DMGDH: variants seen among roughly 807,000 people sequenced by gnomAD.
The protein encoded by DMGDH is dimethylglycine dehydrogenase, also known as dimethylglycine dehydrogenase, mitochondrial.
DMGDH carries 76 observed loss-of-function variants against 95.2 expected under a neutral mutation model. The ratio of observed to expected loss-of-function variants is 0.80; its 90% confidence interval spans 0.66 to 0.97. DMGDH has a LOEUF of 0.97. Ranked by LOEUF, DMGDH falls within the 50% of genes least tolerant of loss-of-function variation. DMGDH has a pLI of 0.00. For synonymous variants in DMGDH, 345 were observed against 377.6 expected, an observed-to-expected ratio of 0.91 and a Z score of 1.00; for missense variants, 987 against 1,055.0, an observed-to-expected ratio of 0.94 and a Z score of 0.89.
chr5:79,044,169 C>T, intron 6 of DMGDH, 135 bp downstream of exon 6: 1 of 1,281,072 alleles, frequency 7.8e-7, no homozygotes, highest in Non-Finnish European at 1.1e-6. Flanking sequence ...TCACCTCAAA[C>T]CTGTCACCTC....
chr5:79,032,460 AAGGCTGGCTAT>A (rs1754206585), intron 9 of DMGDH, among the ~76,000 whole-genome samples: 2 of 152,196 alleles, frequency 1.3e-5, no homozygotes, highest in Non-Finnish European at 2.9e-5. Flanking sequence ...AGGCTTCACC[AAGGCTGGCTAT>A]AGGACTCTCA....
intron 14 of DMGDH, among the ~76,000 whole-genome samples, chr5:79,019,023 G>A (rs569621117): frequency 6.6e-6 from 1 of 152,060 alleles, no homozygotes; most frequent in Non-Finnish European, 1.5e-5. Context: ...AACAGAATAA[G>A]GATAGCTTAA....
intron 2 of DMGDH, among the ~76,000 whole-genome samples, chr5:79,062,911 G>A (rs1313959698): frequency 6.6e-6 from 1 of 152,092 alleles, no homozygotes; most frequent in African/African-American, 2.4e-5. Flanking sequence ...GACCAACACG[G>A]TGAAACCCCG....
intron 14 of DMGDH, among the ~76,000 whole-genome samples, chr5:79,013,665 T>C (rs747621087): frequency 2.0e-5 from 3 of 152,184 alleles, no homozygotes; most frequent in African/African-American, 4.8e-5. Flanking sequence ...CTGTAGACTA[T>C]ACAGGAAGCA....
intron 15 of DMGDH, among the ~76,000 whole-genome samples, chr5:79,004,100 A>G (rs1313621480): frequency 1.3e-5 from 2 of 152,204 alleles, no homozygotes; most frequent in African/African-American, 4.8e-5. Context: ...CCTGGGTTGG[A>G]GATCAGTTCT....
At chr5:79,037,490 G>A (rs559227873) in intron 7 of DMGDH, among the ~76,000 whole-genome samples, 1 of 152,098 alleles carries the variant, frequency 6.6e-6, no homozygotes, top group South Asian at 2.1e-4. Flanking sequence ...TTTAGGTAAC[G>A]GGAAGGCTTT....
intron 14 of DMGDH, among the ~76,000 whole-genome samples, chr5:79,017,648 C>T (rs1437219741): frequency 3.3e-5 from 5 of 152,186 alleles, no homozygotes; most frequent in African/African-American, 1.2e-4. Context: ...CATTTCACTC[C>T]TAGGTATTTA....
chr5:79,061,234 C>T (rs867254778), intron 2 of DMGDH, among the ~76,000 whole-genome samples: 11,493 of 136,392 alleles, frequency 0.084, 596 homozygotes, highest in Middle Eastern at 0.12. Context: ...CACACACACA[C>T]ACACACACAC....
chr5:79,031,012 T>C lies in DMGDH; in HGVS notation c.1518-14A>G, dbSNP rs900502314. ...CGAAAACTTGGCCTGAAACACAACA[T>C]TTAGTGTCATAAAACAACTCCCGTT... is the stretch of plus-strand genomic sequence containing the variant. On this transcript the variant is annotated splice_polypyrimidine_tract_variant and intron_variant, in intron 9 of 15. Coordinates refer to ENST00000255189, the MANE Select transcript of DMGDH (RefSeq NM_013391.3). 11 of 1,613,978 alleles carry C rather than the reference T, an allele frequency of 6.8e-6. No homozygotes were observed. Among genetic ancestry groups the C allele is most frequent in the Non-Finnish European group, 8.5e-6 (10 of 1,179,986 alleles).
In DMGDH at chr5:79,069,635, C is replaced by T; in HGVS notation, c.-15G>A. 7.4e-7 allele frequency: 1 copy of T among 1,355,156 alleles called. No individual in the cohort carries two copies. Among genetic ancestry groups the T allele is most frequent in the Non-Finnish European group, 9.5e-7 (1 of 1,054,302 alleles). 83.9% of individuals were successfully genotyped at this position (1,355,156 alleles called of 1,614,324 possible). On this transcript the variant is annotated 5_prime_UTR_variant, in exon 1 of 16. Transcript: ENST00000255189. ...GGACGGAGCATGACTAGGCCGAGGC[C>T]GAGGGCGCAGGCGCCTGCTCCGAGG...
intron 14 of DMGDH, among the ~76,000 whole-genome samples, chr5:79,009,418 T>C (rs1378001820): frequency 1.3e-5 from 2 of 149,216 alleles, no homozygotes; most frequent in Admixed American, 1.3e-4. Context: ...TGGAGTGCAG[T>C]GGTCACAATC....
intron 13 of DMGDH, 66 bp downstream of exon 13, chr5:79,026,358 C>T: frequency 6.2e-7 from 1 of 1,601,980 alleles, no homozygotes; most frequent in Non-Finnish European, 8.5e-7. Flanking sequence ...GCAGTTCAAA[C>T]CAGCCCTTAT....
At chr5:79,001,112 C>G (rs1476926724) in intron 15 of DMGDH, 1 of 604,964 alleles carries the variant, frequency 1.7e-6, no homozygotes, top group African/African-American at 1.9e-5. Context: ...CTGCGTCCCC[C>G]TCAGCCATGT....
chr5:79,006,891 C>A (rs893777990), intron 14 of DMGDH, among the ~76,000 whole-genome samples: 1 of 150,060 alleles, frequency 6.7e-6, no homozygotes, highest in African/African-American at 2.4e-5. Flanking sequence ...CTAGGATGAA[C>A]CTACAATGAA....
chr5:79,059,753 T>C (rs1375702107), intron 2 of DMGDH, among the ~76,000 whole-genome samples: 1 of 152,208 alleles, frequency 6.6e-6, no homozygotes, highest in Non-Finnish European at 1.5e-5. Flanking sequence ...ACTGAAAGCA[T>C]CACTTTTTCT....
intron 14 of DMGDH, among the ~76,000 whole-genome samples, chr5:79,016,524 TA>T (rs934326261): frequency 6.6e-6 from 1 of 152,164 alleles, no homozygotes; most frequent in Non-Finnish European, 1.5e-5. Flanking sequence ...ATAAATATGT[TA>T]AAAGATATGT....
rs139087183 is a variant in DMGDH, at chr5:79,056,790, G to A, written c.277-882C>T. ...GAATAGCTTGAACCCGGGAGGCATA[G>A]GTTGCAGTGAGCCAAGATCACGCCA... On this transcript the variant is annotated intron_variant, in intron 2 of 15. Coordinates refer to ENST00000255189, the MANE Select transcript of DMGDH (RefSeq NM_013391.3). Among the ~76,000 whole-genome samples, 1,425 of 152,220 alleles carry A rather than the reference G, an allele frequency of 9.4e-3. 9 individuals are homozygous for A. The highest frequency in any genetic ancestry group is 0.044 in the Middle Eastern group (13 of 294).
chr5:79,028,084 C>T (rs550164368), intron 12 of DMGDH, among the ~76,000 whole-genome samples: 41 of 152,248 alleles, frequency 2.7e-4, no homozygotes, highest in African/African-American at 8.2e-4. Context: ...AGGTGATCAG[C>T]CCGCCTCAGC....
At chr5:79,017,912 A>G (rs190928826) in intron 14 of DMGDH, among the ~76,000 whole-genome samples, 8 of 152,336 alleles carry the variant, frequency 5.3e-5, no homozygotes, top group Non-Finnish European at 7.3e-5. Context: ...CCAATCCTCC[A>G]GGTATACCAA....
Sources: allele counts gnomAD v4.1 joint callset (sites outside exome capture counted in the v4.1 genomes callset), GRCh38; gene constraint gnomAD v4.1.1; transcripts MANE v1.5; gene names NCBI Gene and HGNC (gene_info 2026-07-23, HGNC 2026-07-21).